The following LPA variants were observed in gnomAD, a reference collection of about 807,000 sequenced individuals.
The protein encoded by LPA is lipoprotein(a).
Under a neutral mutation model 197.9 loss-of-function variants are expected in LPA, and 199 were observed. The observed-to-expected ratio is 1.01, with a 90% CI of 0.90 to 1.13. LPA has a LOEUF of 1.13. Ranked by LOEUF, LPA falls within the 50% of genes most tolerant of loss-of-function variation. The pLI is 0.00. For synonymous variants in LPA, 715 were observed against 639.5 expected, an observed-to-expected ratio of 1.12 and a Z score of -1.78; for missense variants, 1,853 against 1,785.8, an observed-to-expected ratio of 1.04 and a Z score of -0.68.
At chr6:160,572,091 C>G (rs181412912) in intron 28 of LPA, among the ~76,000 whole-genome samples, 1 of 152,198 alleles carries the variant, frequency 6.6e-6, no homozygotes, top group Admixed American at 6.5e-5. Flanking sequence ...CTGGTCTTCA[C>G]GGCACAGTCC....
At chr6:160,601,184 G>A in intron 18 of LPA, 86 bp from the exon 19 acceptor site, 1 of 1,194,770 alleles carries the variant, frequency 8.4e-7, no homozygotes, top group South Asian at 1.2e-5. Context: ...GGTCATTACT[G>A]GTGCCTTTGA....
chr6:160,552,710 G>C (rs964308502), intron 30 of LPA, among the ~76,000 whole-genome samples: 1 of 151,916 alleles, frequency 6.6e-6, no homozygotes, highest in East Asian at 1.9e-4. Flanking sequence ...TCATATTTTG[G>C]TGTTTAAAGT....
chr6:160,605,276 CA>C (rs1779324097), intron 17 of LPA, 71 bp from the exon 18 acceptor site: 9 of 1,565,716 alleles, frequency 5.7e-6, no homozygotes, highest in Admixed American at 1.7e-5. Context: ...CCACTTATGG[CA>C]CAAACCAGAA....
chr6:160,610,099 C>G (rs1371324049), intron 16 of LPA, among the ~76,000 whole-genome samples: 3 of 152,102 alleles, frequency 2.0e-5, no homozygotes, highest in Middle Eastern at 3.4e-3. Context: ...TTCTAATTAT[C>G]GATGTCATTT....
rs1290953950 is a variant in LPA, at chr6:160,591,057, C to T, written c.3674G>A (p.Ser1225Asn). ...NYCRNPDAEISPWCYTMDPNV... is the reference protein window; with the variant it reads ...NYCRNPDAEINPWCYTMDPNV... ...GGGATCCATGGTATAACACCAAGGA[C>T]TAATCTCAGCATCTGGATTCCTGCA... Residue 1225 changes from serine (S) to asparagine (N), a missense_variant, in exon 23 of 39, where the codon AGT becomes AAT. Physicochemically the swap from Ser to Asn is conservative, Grantham distance 46 (BLOSUM62 1). Coordinates refer to ENST00000316300, the MANE Select transcript of LPA (RefSeq NM_005577.4). 5 of 1,613,892 alleles carry T rather than the reference C, an allele frequency of 3.1e-6. No homozygotes were observed. The highest frequency in any genetic ancestry group is 4.2e-6 in the Non-Finnish European group (5 of 1,179,904).
At chr6:160,610,563 T>C (rs1204662575) in intron 16 of LPA, among the ~76,000 whole-genome samples, 5 of 152,180 alleles carry the variant, frequency 3.3e-5, no homozygotes, top group Non-Finnish European at 5.9e-5. Flanking sequence ...CCACACTTTC[T>C]GTAGAACCAT....
chr6:160,600,723 C>T (rs1056738291), intron 19 of LPA, among the ~76,000 whole-genome samples, 194 bp downstream of exon 19: 1 of 152,142 alleles, frequency 6.6e-6, no homozygotes, highest in Non-Finnish European at 1.5e-5. Flanking sequence ...CCTAAAGACA[C>T]AGCTCGCACA....
chr6:160,653,576 C>T lies in LPA; in HGVS notation c.50-3079G>A, dbSNP rs1023565586. 7.9e-5 allele frequency among the ~76,000 whole-genome samples: 12 copies of T among 151,984 alleles called. 1 individual carries two copies. Among genetic ancestry groups the T allele is most frequent in the African/African-American group, 2.9e-4 (12 of 41,472 alleles). On this transcript the variant is annotated intron_variant, in intron 1 of 38. Coordinates refer to ENST00000316300, the MANE Select transcript of LPA (RefSeq NM_005577.4). ...GAAAAACCCCTGGACCAGAGAGATT[C>T]CTAGCCAAAGTATACCAGTCATATA...
At chr6:160,593,849 T>A in intron 22 of LPA, 109 bp downstream of exon 22, 3 of 1,369,442 alleles carry the variant, frequency 2.2e-6, no homozygotes, top group Non-Finnish European at 3.1e-6. Flanking sequence ...CTACCCAACA[T>A]TCCAGATCTG....
At chr6:160,539,875 A>G (rs971617969) in intron 36 of LPA, among the ~76,000 whole-genome samples, 168 bp downstream of exon 36, 10 of 152,124 alleles carry the variant, frequency 6.6e-5, no homozygotes, top group African/African-American at 2.4e-4. Flanking sequence ...CACAACTAAC[A>G]TGTGGCAGGG....
rs1194410652 is a variant in LPA at position 160,591,084 on chromosome 6, T to G, written c.3647A>C (p.Tyr1216Ser). The G allele has an allele frequency of 1.2e-6, 2 of 1,613,592 alleles. No homozygotes were observed. Among genetic ancestry groups the G allele is most frequent in the Admixed American group, 1.7e-5 (1 of 59,986 alleles). ...AATCTCAGCATCTGGATTCCTGCAG[T>G]AGTTCCTGGTCAGGCCACTGCAAAT... ...YYPNGGLTRN[Y>S]CRNPDAEISP... Residue 1216 changes from tyrosine to serine, a missense_variant, in exon 23 of 39, where the codon TAC (tyrosine) becomes TCC (serine). This residue lies in a region of LPA where 1,737 missense variants were observed against 1,504.4 expected (regional missense o/e 1.15). Coordinates refer to ENST00000316300, the MANE Select transcript of LPA (RefSeq NM_005577.4).
chr6:160,601,003 A>G lies in LPA; in HGVS notation c.3041T>C (p.Leu1014Pro). Reference protein sequence around the residue: ...DPSVRWEYCNLTRCSDAEWTA... With the variant: ...DPSVRWEYCNPTRCSDAEWTA... ...CCATTCTGCATCTGAGCATCGTGTC[A>G]GGTTGCAGTACTCCCACCTGACACT... Residue 1014 changes from leucine to proline, a missense_variant, in exon 19 of 39, where the codon CTG becomes CCG. Coordinates refer to ENST00000316300, the MANE Select transcript of LPA (RefSeq NM_005577.4). The G allele has an allele frequency of 6.2e-7, 1 of 1,614,062 alleles. No individual in the cohort carries two copies. Among genetic ancestry groups the G allele is most frequent in the Non-Finnish European group, 8.5e-7 (1 of 1,179,924 alleles).
chr6:160,545,661 A>G, intron 32 of LPA, 128 bp from the exon 33 acceptor site: 2 of 700,450 alleles, frequency 2.9e-6, no homozygotes, highest in South Asian at 3.1e-5. Flanking sequence ...CCTTTCTATC[A>G]TTATTATATT....
In LPA at chr6:160,611,539, T is replaced by A. The variant is rs367972221; in HGVS notation, c.2603+23A>T. 1,153 of 1,607,200 alleles carry A rather than the reference T, an allele frequency of 7.2e-4. 13 individuals are homozygous for A. In the African/African-American group the frequency reaches 0.013, roughly 19 times the overall value. ...AACTTCAGTTGGCCCTTTATTCTCT[T>A]ATGGTAAAGAACAAAGACATACGCA... is the stretch of plus-strand genomic sequence containing the variant. On this transcript the variant is annotated intron_variant, in intron 16 of 38. Transcript: ENST00000316300.
At chr6:160,564,792 C>T (rs546138501) in intron 28 of LPA, among the ~76,000 whole-genome samples, 3 of 152,310 alleles carry the variant, frequency 2.0e-5, no homozygotes, top group South Asian at 2.1e-4. Flanking sequence ...GGGACACTCC[C>T]ACCCTAATAT....
chr6:160,565,669 G>C (rs1320904973), intron 28 of LPA, among the ~76,000 whole-genome samples: 1 of 152,210 alleles, frequency 6.6e-6, no homozygotes, highest in Non-Finnish European at 1.5e-5. Context: ...AAGCTGGACA[G>C]AGAATGACTT....
intron 28 of LPA, among the ~76,000 whole-genome samples, chr6:160,566,993 G>C (rs1381706688): frequency 2.0e-5 from 3 of 152,156 alleles, no homozygotes; most frequent in Admixed American, 6.6e-5. Context: ...GATTCATAAA[G>C]CAAGTCCTTA....
At chr6:160,562,640 A>G (rs1254436119) in intron 28 of LPA, among the ~76,000 whole-genome samples, 2 of 152,182 alleles carry the variant, frequency 1.3e-5, no homozygotes, top group Non-Finnish European at 2.9e-5. Context: ...TTCAGAAGGA[A>G]TAGTACTAGC....
At chr6:160,596,479 A>G (rs1779135360) in intron 20 of LPA, among the ~76,000 whole-genome samples, 2 of 151,540 alleles carry the variant, frequency 1.3e-5, no homozygotes, top group African/African-American at 4.8e-5. Flanking sequence ...GATTCCAAAG[A>G]GCTTTTCTTT....
Sources: gnomAD v4.1 joint callset for allele counts (sites outside exome capture counted in the v4.1 genomes callset) on GRCh38, gnomAD v4.1.1 for gene constraint, gnomAD v4.1.1 regional missense constraint, MANE v1.5 for transcripts, NCBI Gene and HGNC (gene_info 2026-07-23, HGNC 2026-07-21) for gene names.